The following EMC3 variants were observed in gnomAD, a reference collection of about 807,000 sequenced individuals.
EMC3 encodes 30 kDa protein.
A neutral mutation model predicts 36.6 loss-of-function variants in EMC3; 13 were observed. The ratio of observed to expected loss-of-function variants is 0.35; its 90% CI spans 0.23 to 0.56. The LOEUF (loss-of-function observed/expected upper bound fraction) is 0.56. EMC3 is among the 20% of genes least tolerant of loss of function. The pLI is 0.84. For synonymous variants in EMC3, 120 were observed against 111.9 expected, an observed-to-expected ratio of 1.07 and a Z score of -0.46; for missense variants, 220 against 324.5, an observed-to-expected ratio of 0.68 and a Z score of 2.47.
chr3:10,008,122 C>T (rs2086284113), intron 1 of EMC3, among the ~76,000 whole-genome samples: 1 of 152,182 alleles, frequency 6.6e-6, no homozygotes, highest in Non-Finnish European at 1.5e-5. Flanking sequence ...TCTGCTTGAG[C>T]TCCCCAAGGG....
At chr3:9,965,169 G>C (rs973205065) in intron 7 of EMC3, among the ~76,000 whole-genome samples, 13 of 151,856 alleles carry the variant, frequency 8.6e-5, no homozygotes, top group African/African-American at 2.9e-4. Context: ...CACTTTGGGA[G>C]GCCAAGGCAG....
At chr3:9,975,774 T>C (rs1029545770) in intron 3 of EMC3, among the ~76,000 whole-genome samples, 7 of 139,922 alleles carry the variant, frequency 5.0e-5, no homozygotes, top group Non-Finnish European at 9.0e-5. Context: ...ATCGCACCAC[T>C]GCACTCCAGC....
At chr3:9,988,056 A>C, upstream of EMC3, 1 of 643,942 alleles carries the variant, frequency 1.6e-6, no homozygotes, top group Non-Finnish European at 2.8e-6. Flanking sequence ...ATAGGATGTC[A>C]CAGTTCTCTG....
At chr3:10,003,430 A>G (rs2086228233) in intron 1 of EMC3, 1 of 360,126 alleles carries the variant, frequency 2.8e-6, no homozygotes, top group Admixed American at 3.7e-5. Flanking sequence ...GGTGGGGTCA[A>G]TATTGTTACC....
intron 7 of EMC3, among the ~76,000 whole-genome samples, chr3:9,967,975 C>T (rs886579299): frequency 6.6e-6 from 1 of 152,188 alleles, no homozygotes; most frequent in East Asian, 1.9e-4. Context: ...AGGCTGGAGT[C>T]TAGTGGCGTG....
chr3:9,992,572 T>C (rs1036004851), intron 1 of EMC3, among the ~76,000 whole-genome samples: 8 of 152,238 alleles, frequency 5.3e-5, no homozygotes, highest in Admixed American at 2.0e-4. Flanking sequence ...AAATACATAC[T>C]GGAGTTGGCA....
At chr3:9,983,671 C>CA (rs201052393) in intron 1 of EMC3, among the ~76,000 whole-genome samples, 66 of 140,176 alleles carry the variant, frequency 4.7e-4, no homozygotes, top group South Asian at 1.1e-3. Context: ...CTCTGGTCTC[C>CA]AAAAAAAAAA....
At chr3:10,002,525 A>G (rs2086216109) in intron 1 of EMC3, among the ~76,000 whole-genome samples, 1 of 152,030 alleles carries the variant, frequency 6.6e-6, no homozygotes, top group Admixed American at 6.6e-5. Flanking sequence ...GGATCAAGCA[A>G]TCCACCCGCC....
At chr3:9,981,694 C>A (rs889925991) in intron 1 of EMC3, 1 of 404,864 alleles carries the variant, frequency 2.5e-6, no homozygotes, top group Non-Finnish European at 4.8e-6. Context: ...CTCAGCCCCC[C>A]AAAGTGCTGG....
chr3:9,998,405 TAA>T (rs2086155831), intron 1 of EMC3, among the ~76,000 whole-genome samples: 1 of 147,778 alleles, frequency 6.8e-6, no homozygotes, highest in African/African-American at 2.5e-5. Flanking sequence ...ATAATAATAA[TAA>T]TTTTGCTTTT....
At chr3:9,986,108 C>T (rs2085968728) in intron 1 of EMC3, among the ~76,000 whole-genome samples, 2 of 152,140 alleles carry the variant, frequency 1.3e-5, no homozygotes. Flanking sequence ...CAGATTATCA[C>T]ACTCACTTGA....
chr3:9,969,660 T>C lies in EMC3; in HGVS notation c.657+59A>G, dbSNP rs985195862. On this transcript the variant is annotated intron_variant, in intron 7 of 7. Transcript: ENST00000245046. Reference sequence around the variant, plus strand: ...CCCTTCAAGGAAGCTATTTTTAAAATAGCTCTTGGTAACACCTTTCAGAGC... The same window carrying C: ...CCCTTCAAGGAAGCTATTTTTAAAACAGCTCTTGGTAACACCTTTCAGAGC... 7 of 1,613,170 alleles carry C rather than the reference T, an allele frequency of 4.3e-6. No individual in the cohort carries two copies. The African/African-American group carries it at 5.3e-5, about 12-fold the overall frequency.
In EMC3 at chr3:10,000,429, A is replaced by C. The variant is rs17081288; in HGVS notation, c.-242+10594T>G. ...AATCATATTTTTAGAAGGGGTAAAC[A>C]GTGATACCATGTTCTGAATTGGAAT... On this transcript the variant is annotated intron_variant, in intron 1 of 8. Transcript: ENST00000470827. Among the ~76,000 whole-genome samples the C allele has an allele frequency of 2.0e-5, 3 of 152,088 alleles. No individual in the cohort carries two copies. In the East Asian group the frequency reaches 5.8e-4, roughly 29 times the overall value.
At chr3:9,980,771 T>C (rs1353376072) in intron 1 of EMC3, among the ~76,000 whole-genome samples, 1 of 152,118 alleles carries the variant, frequency 6.6e-6, no homozygotes, top group Non-Finnish European at 1.5e-5. Flanking sequence ...AGATTAATAG[T>C]ATCTGTTATT....
chr3:9,973,896 T>TAATA (rs2085816447), intron 4 of EMC3, among the ~76,000 whole-genome samples, 187 bp from the exon 5 acceptor site: 1 of 152,184 alleles, frequency 6.6e-6, no homozygotes, highest in Non-Finnish European at 1.5e-5. Flanking sequence ...TTTCCCTGAA[T>TAATA]AATATCTGCC....
At chr3:9,991,950 G>T (rs369580674) in intron 1 of EMC3, among the ~76,000 whole-genome samples, 1 of 152,076 alleles carries the variant, frequency 6.6e-6, no homozygotes, top group Non-Finnish European at 1.5e-5. Context: ...TTGCGCTCCC[G>T]TGAGAATCTA....
chr3:10,000,106 T>A lies in EMC3; in HGVS notation c.-242+10917A>T, dbSNP rs553094398. Among the ~76,000 whole-genome samples, 4 of 152,266 alleles carry A rather than the reference T, an allele frequency of 2.6e-5. No homozygotes were observed. The East Asian group carries it at 7.7e-4, about 29-fold the overall frequency. ...TGGCTGGAGTGCAGTGGCGCGATCTTGGTTCACTGCAATGCACCTCTGCCT... is the reference window on the plus strand; with the variant it reads ...TGGCTGGAGTGCAGTGGCGCGATCTAGGTTCACTGCAATGCACCTCTGCCT... On this transcript the variant is annotated intron_variant, in intron 1 of 8. Transcript: ENST00000470827.
intron 1 of EMC3, among the ~76,000 whole-genome samples, chr3:9,994,984 C>CTAT (rs35891157): frequency 0.7 from 106,911 of 151,774 alleles, 39,368 homozygotes; most frequent in African/African-American, 0.91. Flanking sequence ...TATATTCTTC[C>CTAT]TATTAGCAAT....
At position 9,973,633 on chromosome 3, in the gene EMC3, T is replaced by C. The variant is rs377618670; in HGVS notation, c.489A>G (p.Ala163=). The part of the protein sequence containing the change: ...QQGIELLTLD[A]SWVSSASWYF... Reference sequence around the variant, plus strand: ...AAACAAAAGAAAGTTCTTACCAGGATGCATCTAATGTGAGTAGCTCGATTC... The same window carrying C: ...AAACAAAAGAAAGTTCTTACCAGGACGCATCTAATGTGAGTAGCTCGATTC... The change falls in exon 5 of 8, where the codon GCA becomes GCG. Residue 163 remains alanine, a synonymous_variant. Transcript: ENST00000245046. The C allele has an allele frequency of 4.2e-5, 67 of 1,614,002 alleles. 1 individual carries two copies. The African/African-American group carries it at 7.9e-4, about 19-fold the overall frequency.
Sources: allele counts gnomAD v4.1 joint callset (sites outside exome capture counted in the v4.1 genomes callset), GRCh38; gene constraint gnomAD v4.1.1; transcripts MANE v1.5; gene names NCBI Gene and HGNC (gene_info 2026-07-23, HGNC 2026-07-21).